RGL1: variants seen among roughly 807,000 people sequenced by gnomAD.
RGL1 encodes ral guanine nucleotide dissociation stimulator like 1, also known as ral guanine nucleotide dissociation stimulator-like 1.
RGL1 carries 24 observed loss-of-function variants against 95.2 expected under a neutral mutation model. The observed-to-expected ratio is 0.25, with a 90% CI of 0.18 to 0.35. The LOEUF is 0.35. RGL1 is among the 10% of genes least tolerant of loss of function. The pLI is 1.00. For missense variants in RGL1, 715 were observed against 936.3 expected (o/e 0.76, Z 3.08); for synonymous variants, 329 against 344.9 (o/e 0.95, Z 0.51).
intron 2 of RGL1, among the ~76,000 whole-genome samples, chr1:183,815,862 A>G (rs1434867753): frequency 2.6e-5 from 4 of 152,158 alleles, no homozygotes; most frequent in African/African-American, 7.2e-5. Flanking sequence ...CCCCACCATC[A>G]GGGCCCTCTA....
chr1:183,897,574 G>A (rs1190230922), intron 9 of RGL1, among the ~76,000 whole-genome samples: 2 of 151,920 alleles, frequency 1.3e-5, no homozygotes, highest in South Asian at 2.1e-4. Flanking sequence ...AAAGTTGGGG[G>A]AAGAACAAGA....
At chr1:183,907,503 A>G in intron 14 of RGL1, among the ~76,000 whole-genome samples, 1 of 152,214 alleles carries the variant, frequency 6.6e-6, no homozygotes, top group Non-Finnish European at 1.5e-5. Flanking sequence ...TAGGCCTTAC[A>G]TGACTTAACC....
chr1:183,778,125 C>G (rs1659694922), intron 2 of RGL1, among the ~76,000 whole-genome samples: 1 of 152,166 alleles, frequency 6.6e-6, no homozygotes, highest in Non-Finnish European at 1.5e-5. Flanking sequence ...GGCTCACTTT[C>G]CACCTCACTG....
intron 2 of RGL1, among the ~76,000 whole-genome samples, chr1:183,752,544 A>T (rs1371589567): frequency 6.6e-6 from 1 of 152,108 alleles, no homozygotes; most frequent in African/African-American, 2.4e-5. Flanking sequence ...TAATTTTTTA[A>T]ATCTAGATGA....
At chr1:183,739,367 A>T (rs1657146308) in intron 1 of RGL1, among the ~76,000 whole-genome samples, 1 of 152,248 alleles carries the variant, frequency 6.6e-6, no homozygotes, top group African/African-American at 2.4e-5. Context: ...GCGGGAGAGT[A>T]GGATGGAGCT....
At chr1:183,676,831 A>T (rs955587754) in intron 1 of RGL1, among the ~76,000 whole-genome samples, 6 of 150,334 alleles carry the variant, frequency 4.0e-5, no homozygotes, top group Non-Finnish European at 7.4e-5. Flanking sequence ...TCTATGCCTC[A>T]ATTTCCTCAT....
chr1:183,856,332 C>G (rs758298053), intron 3 of RGL1, among the ~76,000 whole-genome samples: 1 of 151,542 alleles, frequency 6.6e-6, no homozygotes, highest in Non-Finnish European at 1.5e-5. Context: ...TATATATGTT[C>G]TGTTATGTAT....
intron 7 of RGL1, 34 bp from the exon 8 acceptor site, chr1:183,888,440 A>T (rs1252292880): frequency 8.1e-7 from 1 of 1,237,750 alleles, no homozygotes; most frequent in Non-Finnish European, 1.2e-6. Context: ...TTGATAGTTA[A>T]ATGCCTTTTA....
intron 1 of RGL1, among the ~76,000 whole-genome samples, chr1:183,646,124 C>A (rs759405303): frequency 1.3e-5 from 2 of 152,156 alleles, no homozygotes; most frequent in Non-Finnish European, 2.9e-5. Flanking sequence ...ATGTTGGGAT[C>A]TTTTTAACTC....
chr1:183,808,240 T>C (rs1661473499), intron 2 of RGL1, among the ~76,000 whole-genome samples: 2 of 152,226 alleles, frequency 1.3e-5, no homozygotes, highest in Admixed American at 6.5e-5. Flanking sequence ...ACTTCACTTC[T>C]TTTCTTCTCT....
intron 1 of RGL1, among the ~76,000 whole-genome samples, chr1:183,719,053 T>C (rs1277521310): frequency 6.6e-6 from 1 of 152,242 alleles, no homozygotes; most frequent in Non-Finnish European, 1.5e-5. Flanking sequence ...TTCTATATTA[T>C]CAACATTATA....
chr1:183,639,517 T>C (rs1649771136), intron 1 of RGL1, among the ~76,000 whole-genome samples: 1 of 152,158 alleles, frequency 6.6e-6, no homozygotes, highest in Non-Finnish European at 1.5e-5. Context: ...TATCTTATGA[T>C]TTAATACTCC....
intron 2 of RGL1, among the ~76,000 whole-genome samples, chr1:183,820,489 A>G (rs1374441027): frequency 1.3e-5 from 2 of 152,176 alleles, no homozygotes; most frequent in African/African-American, 2.4e-5. Context: ...TGATAGCACC[A>G]TATGAGATGA....
chr1:183,747,029 C>T (rs1657682951), intron 2 of RGL1, among the ~76,000 whole-genome samples: 1 of 152,112 alleles, frequency 6.6e-6, no homozygotes, highest in African/African-American at 2.4e-5. Flanking sequence ...TGTATATGTG[C>T]CACATTTTCT....
chr1:183,920,200 A>G (rs1178154850), intron 16 of RGL1, among the ~76,000 whole-genome samples: 2 of 151,878 alleles, frequency 1.3e-5, no homozygotes, highest in African/African-American at 4.8e-5. Flanking sequence ...ACGCCTGGCT[A>G]ACTTTTTTGT....
At chr1:183,750,195 C>A (rs1045353602) in intron 2 of RGL1, among the ~76,000 whole-genome samples, 1 of 152,194 alleles carries the variant, frequency 6.6e-6, no homozygotes, top group Non-Finnish European at 1.5e-5. Context: ...TTCAGGTACA[C>A]CAATCAAACG....
intron 11 of RGL1, among the ~76,000 whole-genome samples, chr1:183,901,938 C>A (rs1668050410): frequency 6.6e-6 from 1 of 152,194 alleles, no homozygotes; most frequent in Non-Finnish European, 1.5e-5. Flanking sequence ...AGTTACTTTG[C>A]ATAGATCTAC....
chr1:183,863,552 G>A (rs1242368367), intron 3 of RGL1, among the ~76,000 whole-genome samples: 2 of 152,094 alleles, frequency 1.3e-5, no homozygotes, highest in Non-Finnish European at 2.9e-5. Context: ...GCAGAAGCTG[G>A]GGACCATTTA....
intron 10 of RGL1, among the ~76,000 whole-genome samples, chr1:183,898,154 G>C (rs1303364993): frequency 1.3e-5 from 2 of 152,190 alleles, no homozygotes; most frequent in Non-Finnish European, 2.9e-5. Flanking sequence ...CTGAAGGTGA[G>C]GGGGAGTCTA....
Sources: gnomAD v4.1 joint callset for allele counts (sites outside exome capture counted in the v4.1 genomes callset) on GRCh38, gnomAD v4.1.1 for gene constraint, MANE v1.5 for transcripts, NCBI Gene and HGNC (gene_info 2026-07-23, HGNC 2026-07-21) for gene names.